PTPN22: variants seen among roughly 807,000 people sequenced by gnomAD.
PTPN22 encodes the protein tyrosine-protein phosphatase non-receptor type 22.
Under a neutral mutation model 103.3 loss-of-function variants are expected in PTPN22, and 85 were observed. The ratio of observed to expected loss-of-function variants is 0.82; its 90% CI spans 0.69 to 0.99. PTPN22 has a LOEUF of 0.99. Among genes scored for constraint, PTPN22 ranks in the 50% least tolerant of loss-of-function variants. The pLI is 0.00. For missense variants in PTPN22, 865 were observed against 936.9 expected (o/e 0.92, Z 1.00); for synonymous variants, 323 against 310.2 (o/e 1.04, Z -0.43).
intron 11 of PTPN22, among the ~76,000 whole-genome samples, chr1:113,838,881 T>A (rs1406727498): frequency 6.6e-6 from 1 of 152,180 alleles, no homozygotes; most frequent in African/African-American, 2.4e-5. Flanking sequence ...GTGGGAGTTT[T>A]AAAAATGTTC....
chr1:113,830,105 G>T, intron 16 of PTPN22, 76 bp from the exon 17 acceptor site: 1 of 1,042,774 alleles, frequency 9.6e-7, no homozygotes, highest in Non-Finnish European at 1.4e-6. Flanking sequence ...TTTTCTCTTT[G>T]TATAATTTTT....
chr1:113,828,734 C>T (rs1005147943), intron 18 of PTPN22, among the ~76,000 whole-genome samples: 1 of 152,150 alleles, frequency 6.6e-6, no homozygotes, highest in Non-Finnish European at 1.5e-5. Flanking sequence ...CTTCCAGGCT[C>T]GACCAATCCT....
At chr1:113,829,349 C>G (rs766585553) in intron 18 of PTPN22, among the ~76,000 whole-genome samples, 1 of 151,942 alleles carries the variant, frequency 6.6e-6, no homozygotes, top group African/African-American at 2.4e-5. Flanking sequence ...AATTTTGTCA[C>G]CCAGGTAATA....
At chr1:113,818,676 G>A (rs1267426096) in intron 20 of PTPN22, among the ~76,000 whole-genome samples, 2 of 152,156 alleles carry the variant, frequency 1.3e-5, no homozygotes, top group African/African-American at 2.4e-5. Context: ...TGTCTGCCCA[G>A]CAATATTACA....
chr1:113,850,047 A>T (rs1173528090), intron 10 of PTPN22, among the ~76,000 whole-genome samples: 1 of 151,934 alleles, frequency 6.6e-6, no homozygotes, highest in Non-Finnish European at 1.5e-5. Context: ...TACAAAAAAA[A>T]TTAGCTGGGC....
At chr1:113,821,972 G>T (rs1228611388) in intron 19 of PTPN22, among the ~76,000 whole-genome samples, 1 of 152,206 alleles carries the variant, frequency 6.6e-6, no homozygotes, top group East Asian at 1.9e-4. Flanking sequence ...ATCAGACCCA[G>T]TTGGCACTAG....
At chr1:113,828,542 A>C (rs1662280425) in intron 18 of PTPN22, among the ~76,000 whole-genome samples, 1 of 152,158 alleles carries the variant, frequency 6.6e-6, no homozygotes, top group East Asian at 1.9e-4. Flanking sequence ...TACCACCTTC[A>C]TTGTATACTA....
chr1:113,849,596 T>TTATTTA (rs1056560495), intron 10 of PTPN22, among the ~76,000 whole-genome samples: 2 of 110,784 alleles, frequency 1.8e-5, no homozygotes, highest in African/African-American at 3.0e-5. Context: ...ATTTATTTAT[T>TTATTTA]TTTTTTTTTG....
At chr1:113,820,129 C>G (rs1295597459) in intron 19 of PTPN22, among the ~76,000 whole-genome samples, 1 of 152,004 alleles carries the variant, frequency 6.6e-6, no homozygotes, top group African/African-American at 2.4e-5. Context: ...CACTTTCCAG[C>G]CTGATTTTTT....
intron 17 of PTPN22, 103 bp downstream of exon 17, chr1:113,829,842 CTTTT>C: frequency 8.0e-7 from 1 of 1,250,798 alleles, no homozygotes. Context: ...AAAATGTATT[CTTTT>C]GTGTAATCAT....
At chr1:113,848,737 C>A (rs777793473) in intron 10 of PTPN22, 111 bp from the exon 11 acceptor site, 77 of 943,828 alleles carry the variant, frequency 8.2e-5, no homozygotes, top group Non-Finnish European at 1.2e-4. Context: ...TATAGCAGAC[C>A]CAAAAGGACG....
chr1:113,864,947 G>T (rs982419595), intron 1 of PTPN22, among the ~76,000 whole-genome samples: 1 of 152,008 alleles, frequency 6.6e-6, no homozygotes, highest in Non-Finnish European at 1.5e-5. Context: ...ATGTTATCTA[G>T]GTAAAGAGGA....
chr1:113,844,619 C>T (rs979757346), intron 11 of PTPN22, among the ~76,000 whole-genome samples: 1 of 152,134 alleles, frequency 6.6e-6, no homozygotes, highest in Non-Finnish European at 1.5e-5. Flanking sequence ...CTATAAAGTT[C>T]CCTCTCAGTA....
chr1:113,815,090 G>T, intron 20 of PTPN22, 121 bp from the exon 21 acceptor site: 1 of 690,538 alleles, frequency 1.4e-6, no homozygotes. Context: ...ATGTTAGGCA[G>T]CATCTTGACC....
intron 1 of PTPN22, chr1:113,864,072 T>C (rs1665892973): frequency 6.2e-6 from 2 of 323,114 alleles, no homozygotes; most frequent in South Asian, 4.5e-5. Context: ...GATCGCACCA[T>C]TGCACTCTGG....
intron 1 of PTPN22, among the ~76,000 whole-genome samples, chr1:113,865,092 T>C (rs1337818258): frequency 1.3e-5 from 2 of 152,206 alleles, no homozygotes; most frequent in African/African-American, 4.8e-5. Flanking sequence ...ATAGCCATTT[T>C]AAAAGGTTCT....
intron 11 of PTPN22, among the ~76,000 whole-genome samples, chr1:113,843,108 A>AAAAAAAAAAAAAAAAAAG (rs1351001407): frequency 4.1e-5 from 6 of 146,086 alleles, no homozygotes; most frequent in Non-Finnish European, 7.5e-5. Flanking sequence ...TCAAAAAAAA[A>AAAAAAAAAAAAAAAAAAG]AAAAAAGAAA....
chr1:113,843,990 G>C (rs1018615949), intron 11 of PTPN22, among the ~76,000 whole-genome samples: 7 of 152,138 alleles, frequency 4.6e-5, no homozygotes, highest in African/African-American at 1.4e-4. Context: ...TAGCACTTTG[G>C]GGGGCCAAGG....
intron 1 of PTPN22, chr1:113,864,208 T>A (rs1379939918): frequency 4.5e-6 from 2 of 447,922 alleles, no homozygotes; most frequent in African/African-American, 4.1e-5. Context: ...AATAGAAGAT[T>A]TGATCTATTC....
Sources: gnomAD v4.1 joint callset for allele counts (sites outside exome capture counted in the v4.1 genomes callset) on GRCh38, gnomAD v4.1.1 for gene constraint, MANE v1.5 for transcripts, NCBI Gene and HGNC (gene_info 2026-07-23, HGNC 2026-07-21) for gene names.